GOLM2: variants seen among roughly 807,000 people sequenced by gnomAD.
GOLM2 encodes golgi membrane protein 2.
In GOLM2, 26 loss-of-function variants were observed where a neutral mutation model predicts 55.9. The ratio of observed to expected loss-of-function variants is 0.47; its 90% CI spans 0.34 to 0.65. The LOEUF is 0.65. Among genes scored for constraint, GOLM2 ranks in the 30% least tolerant of loss-of-function variants. The probability of loss-of-function intolerance (pLI) is 0.01; values close to 1 mark genes in which losing one functional copy is unlikely to be tolerated. For synonymous variants in GOLM2, 165 were observed against 194.6 expected, an observed-to-expected ratio of 0.85 and a Z score of 1.27; for missense variants, 486 against 531.8, an observed-to-expected ratio of 0.91 and a Z score of 0.85.
intron 1 of GOLM2, among the ~76,000 whole-genome samples, chr15:44,300,042 G>C (rs2078786454): frequency 1.3e-5 from 2 of 151,498 alleles, no homozygotes; most frequent in Non-Finnish European, 2.9e-5. Context: ...TGAAGCTGCA[G>C]GGAGCTATGA....
intron 1 of GOLM2, among the ~76,000 whole-genome samples, chr15:44,294,080 G>A (rs1567018198): frequency 6.6e-6 from 1 of 152,082 alleles, no homozygotes; most frequent in Admixed American, 6.6e-5. Context: ...ATTAACTCCT[G>A]TATCCCCTTC....
intron 8 of GOLM2, among the ~76,000 whole-genome samples, chr15:44,396,395 G>T (rs986253336): frequency 1.3e-5 from 2 of 151,982 alleles, no homozygotes; most frequent in African/African-American, 2.4e-5. Context: ...TAAAATTTTA[G>T]CCACGAGAAA....
rs537542244 is a variant in GOLM2 at position 44,289,898 on chromosome 15, T to C, written c.327+542T>C. Among the ~76,000 whole-genome samples the C allele has an allele frequency of 2.0e-5, 3 of 152,336 alleles. No homozygotes were observed. Among genetic ancestry groups the C allele is most frequent in the Non-Finnish European group, 4.4e-5 (3 of 68,038 alleles). On this transcript the variant is annotated intron_variant, in intron 1 of 9. Coordinates refer to ENST00000299957, the MANE Select transcript of GOLM2 (RefSeq NM_138423.4). This position sits in a 1 kb window ranked among gnomAD's most constrained non-coding sequence, Gnocchi z 4.8. The stretch of plus-strand genomic sequence containing the variant: ...ATCAGCTATGACTGCCTTTTTGTGA[T>C]CAAAATGTTATGATAGATGGGCCCT...
At chr15:44,404,404 T>C (rs1306316173) in intron 9 of GOLM2, among the ~76,000 whole-genome samples, 2 of 152,160 alleles carry the variant, frequency 1.3e-5, no homozygotes, top group East Asian at 1.9e-4. Context: ...ATTATGATTA[T>C]TGGGGATAGA....
chr15:44,403,032 T>C lies in GOLM2; in HGVS notation c.1218T>C (p.Asp406=). 1.2e-6 allele frequency: 2 copies of C among 1,614,046 alleles called. No homozygotes were observed. Among genetic ancestry groups the C allele is most frequent in the Non-Finnish European group, 1.7e-6 (2 of 1,180,018 alleles). The stretch of plus-strand genomic sequence containing the variant: ...CTTACAATGAGGAAGAAGATGGTGA[T>C]GGTGGAGAGGAAGACGTCCAAGGTG... ...ELAYNEEEDG[D]GGEEDVQDDE... Residue 406 remains aspartate, a synonymous_variant, in exon 9 of 10, where the codon GAT becomes GAC. Coordinates refer to ENST00000299957, the MANE Select transcript of GOLM2 (RefSeq NM_138423.4).
At chr15:44,327,805 G>GTTATAA (rs796814823) in intron 2 of GOLM2, among the ~76,000 whole-genome samples, 9 of 152,288 alleles carry the variant, frequency 5.9e-5, no homozygotes, top group African/African-American at 2.2e-4. Context: ...GTTTGGCCAG[G>GTTATAA]TTATAATTTA....
At chr15:44,392,168 T>A (rs2141204178) in intron 8 of GOLM2, among the ~76,000 whole-genome samples, 1 of 151,574 alleles carries the variant, frequency 6.6e-6, no homozygotes, top group South Asian at 2.1e-4. Flanking sequence ...CTTTCAAACA[T>A]GAAAGAATAC....
intron 6 of GOLM2, among the ~76,000 whole-genome samples, chr15:44,362,646 C>T (rs2079249975): frequency 1.3e-5 from 2 of 152,078 alleles, no homozygotes; most frequent in South Asian, 2.1e-4. Flanking sequence ...CAATGCCATC[C>T]CCATCAAACT....
intron 8 of GOLM2, among the ~76,000 whole-genome samples, chr15:44,392,294 A>C (rs1034672213): frequency 3.3e-5 from 5 of 152,126 alleles, no homozygotes; most frequent in Non-Finnish European, 5.9e-5. Context: ...AGAAAGAAAA[A>C]TTATAGCAGT....
At chr15:44,350,339 G>A (rs2079153321) in intron 6 of GOLM2, among the ~76,000 whole-genome samples, 2 of 152,148 alleles carry the variant, frequency 1.3e-5, no homozygotes, top group African/African-American at 4.8e-5. Flanking sequence ...AGGGTACTAT[G>A]AGCAACTATA....
At chr15:44,385,271 T>C (rs994178052) in intron 8 of GOLM2, among the ~76,000 whole-genome samples, 8 of 152,086 alleles carry the variant, frequency 5.3e-5, no homozygotes, top group Admixed American at 1.3e-4. Flanking sequence ...CCACAATAGC[T>C]GTACCATTTT....
intron 8 of GOLM2, among the ~76,000 whole-genome samples, chr15:44,383,493 A>G (rs1326187832): frequency 6.6e-6 from 1 of 152,036 alleles, no homozygotes; most frequent in Non-Finnish European, 1.5e-5. Flanking sequence ...GGTATTTAGA[A>G]TATAACGTTT....
intron 6 of GOLM2, among the ~76,000 whole-genome samples, chr15:44,340,642 G>C (rs1274253208): frequency 6.6e-6 from 1 of 152,162 alleles, no homozygotes; most frequent in Non-Finnish European, 1.5e-5. Flanking sequence ...AAATTCTTAG[G>C]TCTCATTCCA....
At chr15:44,321,933 C>A (rs959299914) in intron 1 of GOLM2, among the ~76,000 whole-genome samples, 13 of 151,870 alleles carry the variant, frequency 8.6e-5, no homozygotes, top group Admixed American at 3.3e-4. Context: ...ATGATACATA[C>A]CTGTAGTCTC....
chr15:44,389,069 G>A (rs996299445), intron 8 of GOLM2, among the ~76,000 whole-genome samples: 20 of 151,742 alleles, frequency 1.3e-4, no homozygotes, highest in African/African-American at 1.9e-4. Context: ...TGCCTGCCTC[G>A]GCCTCCCAAA....
At chr15:44,403,159 T>C in intron 9 of GOLM2, 105 bp downstream of exon 9, 2 of 1,356,130 alleles carry the variant, frequency 1.5e-6, no homozygotes, top group Non-Finnish European at 2.1e-6. Context: ...CAGTGTAACC[T>C]AAATTTTTTG....
At chr15:44,304,687 G>T (rs182242540) in intron 1 of GOLM2, among the ~76,000 whole-genome samples, 218 of 152,236 alleles carry the variant, frequency 1.4e-3, no homozygotes, top group Non-Finnish European at 2.0e-3. Context: ...CTGAGTAGCT[G>T]GGCCACAGGC....
intron 1 of GOLM2, among the ~76,000 whole-genome samples, chr15:44,320,097 C>A (rs2078939102): frequency 6.6e-6 from 1 of 152,128 alleles, no homozygotes; most frequent in African/African-American, 2.4e-5. Context: ...TGCCCCCAGC[C>A]CCTGGCAGCC....
chr15:44,327,560 C>G (rs528177022), intron 2 of GOLM2, among the ~76,000 whole-genome samples: 1 of 151,962 alleles, frequency 6.6e-6, no homozygotes, highest in Non-Finnish European at 1.5e-5. Context: ...ATATTTTAAT[C>G]TTAATAGCTG....
Sources: gnomAD v4.1 joint callset for allele counts (sites outside exome capture counted in the v4.1 genomes callset) on GRCh38, gnomAD v4.1.1 for gene constraint, Gnocchi (gnomAD v3.1) non-coding constraint, MANE v1.5 for transcripts, NCBI Gene and HGNC (gene_info 2026-07-23, HGNC 2026-07-21) for gene names.